The following CTNNA3 variants were observed in gnomAD, a reference collection of about 807,000 sequenced individuals.
The protein encoded by CTNNA3 is catenin alpha-3.
In CTNNA3, 76 loss-of-function variants were observed where a neutral mutation model predicts 95.7. The ratio of observed to expected loss-of-function variants is 0.79; its 90% CI spans 0.66 to 0.96. CTNNA3 has a LOEUF of 0.96. Among genes scored for constraint, CTNNA3 ranks in the 40% least tolerant of loss-of-function variants. The pLI is 0.00. For synonymous variants in CTNNA3, 431 were observed against 374.4 expected (o/e 1.15, Z -1.74); for missense variants, 1,191 against 1,089.8 (o/e 1.09, Z -1.31).
rs563969425 is a variant in CTNNA3, at chr10:66,572,018, C to T, written c.1374+49674G>A. On this transcript the variant is annotated intron_variant, in intron 10 of 17. Transcript: ENST00000433211. ...CTTAACCACTATACATATTTGCCTC[C>T]AGAGATTCCAAAACTTACGGACATC... 2.0e-5 allele frequency among the ~76,000 whole-genome samples: 3 copies of T among 152,002 alleles called. No homozygotes were observed. In the South Asian group the frequency reaches 6.2e-4, roughly 32 times the overall value.
At chr10:66,725,401 G>C (rs1234412992) in intron 9 of CTNNA3, among the ~76,000 whole-genome samples, 1 of 152,080 alleles carries the variant, frequency 6.6e-6, no homozygotes, top group African/African-American at 2.4e-5. Flanking sequence ...CTGGATTGCT[G>C]ATGTGGGGAA....
intron 9 of CTNNA3, among the ~76,000 whole-genome samples, chr10:66,748,921 C>T (rs1298829927): frequency 6.6e-6 from 1 of 151,736 alleles, no homozygotes; most frequent in East Asian, 1.9e-4. Context: ...ACCTGTAATC[C>T]CAGCACTTTG....
At chr10:67,687,732 G>A (rs1482357145) in intron 1 of CTNNA3, among the ~76,000 whole-genome samples, 1 of 152,158 alleles carries the variant, frequency 6.6e-6, no homozygotes, top group Non-Finnish European at 1.5e-5. Context: ...TGACAGGAGA[G>A]TATATTTTCT....
chr10:67,098,005 T>A (rs895987573), intron 7 of CTNNA3: 19 of 570,982 alleles, frequency 3.3e-5, no homozygotes, highest in Non-Finnish European at 5.9e-5. Context: ...TTGTGCAGTA[T>A]TTTTTGACTT....
At chr10:66,652,164 G>A (rs1440638297) in intron 9 of CTNNA3, among the ~76,000 whole-genome samples, 2 of 141,650 alleles carry the variant, frequency 1.4e-5, no homozygotes, top group African/African-American at 2.6e-5. Flanking sequence ...AAAAATCAGA[G>A]CAGAAATAAA....
chr10:66,389,626 T>A (rs2092920253), intron 11 of CTNNA3, among the ~76,000 whole-genome samples: 1 of 152,146 alleles, frequency 6.6e-6, no homozygotes, highest in African/African-American at 2.4e-5. Flanking sequence ...TAACTCCATC[T>A]TCAGTCACCA....
intron 7 of CTNNA3, among the ~76,000 whole-genome samples, chr10:67,029,860 T>C (rs1853614099): frequency 6.6e-6 from 1 of 152,162 alleles, no homozygotes; most frequent in African/African-American, 2.4e-5. Context: ...TAAAAACCAT[T>C]CTAAATAGAC....
At chr10:66,713,651 T>C (rs1848363840) in intron 9 of CTNNA3, among the ~76,000 whole-genome samples, 1 of 152,054 alleles carries the variant, frequency 6.6e-6, no homozygotes, top group African/African-American at 2.4e-5. Context: ...TGCTGTTATG[T>C]CTGGACTGAA....
chr10:67,620,919 GTGTGTATATATATATA>G (rs1232176817), intron 2 of CTNNA3, among the ~76,000 whole-genome samples: 1 of 100,164 alleles, frequency 1.0e-5, no homozygotes, highest in South Asian at 3.4e-4. Context: ...GTGTGTGTGT[GTGTGTATATATATATA>G]TATATATATA....
At position 66,233,408 on chromosome 10, in the gene CTNNA3, A is replaced by AGATAT. The variant is rs533679044; in HGVS notation, c.1884+47057_1884+47061dup. ...GAACAGTAAGCCACAGAGTAGAAGA[A>AGATAT]GATATTCACATTACACTCATCAGAC... On this transcript the variant is annotated intron_variant, in intron 13 of 17. Transcript: ENST00000433211. 2.3e-4 allele frequency among the ~76,000 whole-genome samples: 35 copies of AGATAT among 152,254 alleles called. 1 individual carries two copies. The South Asian group carries it at 7.3e-3, about 32-fold the overall frequency.
At chr10:65,957,138 T>C (rs1364644652) in intron 17 of CTNNA3, among the ~76,000 whole-genome samples, 4 of 152,212 alleles carry the variant, frequency 2.6e-5, no homozygotes, top group African/African-American at 7.2e-5. Context: ...TTTACCATTA[T>C]GTAATGGCCT....
Position 67,530,815 on chromosome 10 carries a change from G to A in CTNNA3, c.459+8688C>T, listed in dbSNP as rs1589394661. On this transcript the variant is annotated intron_variant, in intron 4 of 17. Transcript: ENST00000433211. ...TCCCATCACAGGCCAGGAAGCCTAA[G>A]AGGAAAAAGCAGTTTCATGGGCCAA... Among the ~76,000 whole-genome samples the A allele has an allele frequency of 2.6e-5, 4 of 152,330 alleles. No homozygotes were observed. In the South Asian group the frequency reaches 8.3e-4, roughly 32 times the overall value.
chr10:67,122,946 G>A (rs185633465), intron 7 of CTNNA3, among the ~76,000 whole-genome samples: 142 of 152,124 alleles, frequency 9.3e-4, no homozygotes, highest in African/African-American at 2.7e-3. Flanking sequence ...CAAATTGATT[G>A]TTGTTTGTTG....
intron 7 of CTNNA3, among the ~76,000 whole-genome samples, chr10:66,913,665 C>T (rs1373062466): frequency 6.6e-6 from 1 of 152,092 alleles, no homozygotes; most frequent in African/African-American, 2.4e-5. Flanking sequence ...TGAAGGGGGA[C>T]CTTATGTCGC....
intron 5 of CTNNA3, among the ~76,000 whole-genome samples, chr10:67,263,589 T>G (rs1309381192): frequency 6.6e-6 from 1 of 152,152 alleles, no homozygotes; most frequent in East Asian, 1.9e-4. Flanking sequence ...GACCTCGATC[T>G]TCCACTCTCC....
At chr10:67,262,607 C>A (rs192981503) in intron 5 of CTNNA3, among the ~76,000 whole-genome samples, 1 of 152,148 alleles carries the variant, frequency 6.6e-6, no homozygotes, top group Non-Finnish European at 1.5e-5. Flanking sequence ...TCATAAAAAC[C>A]GAAACCGCTT....
At chr10:66,944,415 C>T (rs1848177003) in intron 7 of CTNNA3, among the ~76,000 whole-genome samples, 1 of 152,166 alleles carries the variant, frequency 6.6e-6, no homozygotes, top group Non-Finnish European at 1.5e-5. Flanking sequence ...ATTTCCACCA[C>T]ATCTTCAGTT....
At chr10:66,539,520 T>C (rs1589394326) in intron 10 of CTNNA3, among the ~76,000 whole-genome samples, 2 of 152,144 alleles carry the variant, frequency 1.3e-5, no homozygotes, top group Non-Finnish European at 1.5e-5. Context: ...TAGACTTACA[T>C]TGTAGCCCTG....
chr10:67,353,443 A>G (rs9414954), intron 5 of CTNNA3, among the ~76,000 whole-genome samples: 152,066 of 152,076 alleles, frequency 1, 76,028 homozygotes, highest in Non-Finnish European at 1. Flanking sequence ...TTATTATTGT[A>G]TTTTAAAAGT....
Sources: allele counts gnomAD v4.1 joint callset (sites outside exome capture counted in the v4.1 genomes callset), GRCh38; gene constraint gnomAD v4.1.1; transcripts MANE v1.5; gene names NCBI Gene and HGNC (gene_info 2026-07-23, HGNC 2026-07-21).